DPYD: variants seen among roughly 807,000 people sequenced by gnomAD.
DPYD encodes the protein dihydropyrimidine dehydrogenase, also known as dihydropyrimidine dehydrogenase [NADP(+)].
DPYD carries 109 observed loss-of-function variants against 116.2 expected under a neutral mutation model. The ratio of observed to expected loss-of-function variants is 0.94; its 90% CI spans 0.80 to 1.10. The LOEUF (loss-of-function observed/expected upper bound fraction) is 1.10. DPYD is among the 50% of genes least tolerant of loss of function. The pLI is 0.00. For missense variants in DPYD, 1,302 were observed against 1,254.5 expected, an observed-to-expected ratio of 1.04 and a Z score of -0.57; for synonymous variants, 440 against 432.0, an observed-to-expected ratio of 1.02 and a Z score of -0.23.
chr1:97,482,860 A>G (rs1048494328), intron 13 of DPYD, among the ~76,000 whole-genome samples: 1 of 152,074 alleles, frequency 6.6e-6, no homozygotes, highest in African/African-American at 2.4e-5. Context: ...TTCTCCTCCA[A>G]CTTCCTAAAA....
chr1:97,665,377 T>A (rs1659501372), intron 8 of DPYD, among the ~76,000 whole-genome samples: 1 of 152,214 alleles, frequency 6.6e-6, no homozygotes, highest in Non-Finnish European at 1.5e-5. Context: ...ATAACAATAG[T>A]ATTTTTCATT....
At chr1:97,362,913 A>C (rs562695272) in intron 16 of DPYD, among the ~76,000 whole-genome samples, 2 of 152,330 alleles carry the variant, frequency 1.3e-5, no homozygotes, top group African/African-American at 4.8e-5. Context: ...CATGTCTAAA[A>C]CACCAAAAGC....
chr1:97,356,535 C>T (rs576736504), intron 16 of DPYD, among the ~76,000 whole-genome samples: 2 of 152,228 alleles, frequency 1.3e-5, no homozygotes, highest in Admixed American at 6.5e-5. Context: ...GCTGGTGACA[C>T]CCAGGCAAAC....
In DPYD at chr1:97,156,400, G is replaced by A. The variant is rs1655459708; in HGVS notation, c.2622+36669C>T. ...AGGGCTAATATCCAGAATCTACAAT[G>A]AACTCAAACAAATTTACAAGAAAAA... On this transcript the variant is annotated intron_variant, in intron 20 of 22. Coordinates refer to ENST00000370192, the MANE Select transcript of DPYD (RefSeq NM_000110.4). Among the ~76,000 whole-genome samples the A allele has an allele frequency of 2.6e-5, 4 of 151,844 alleles. No homozygotes were observed. In the South Asian group the frequency reaches 8.3e-4, roughly 32 times the overall value.
intron 3 of DPYD, among the ~76,000 whole-genome samples, chr1:97,777,986 C>T (rs762039051): frequency 6.6e-6 from 1 of 151,442 alleles, no homozygotes; most frequent in Non-Finnish European, 1.5e-5. Flanking sequence ...GGTGCAACCC[C>T]ATCTCTACTA....
At chr1:97,592,430 G>A (rs994789966) in intron 10 of DPYD, among the ~76,000 whole-genome samples, 1 of 152,074 alleles carries the variant, frequency 6.6e-6, no homozygotes, top group African/African-American at 2.4e-5. Flanking sequence ...GCAGTGGCAC[G>A]ATCTGGGCTC....
intron 14 of DPYD, among the ~76,000 whole-genome samples, chr1:97,434,257 G>T (rs1056964870): frequency 6.6e-6 from 1 of 152,064 alleles, no homozygotes; most frequent in Non-Finnish European, 1.5e-5. Flanking sequence ...ACTCCCCAAA[G>T]AAGATGTATT....
chr1:97,089,025 TCTTTC>T (rs1649715937), intron 21 of DPYD, among the ~76,000 whole-genome samples: 1 of 152,194 alleles, frequency 6.6e-6, no homozygotes, highest in Non-Finnish European at 1.5e-5. Flanking sequence ...AGTACTCTTC[TCTTTC>T]CTTTCACAAT....
chr1:97,282,464 G>A (rs1665388774), intron 18 of DPYD, among the ~76,000 whole-genome samples: 1 of 151,646 alleles, frequency 6.6e-6, no homozygotes, highest in Non-Finnish European at 1.5e-5. Flanking sequence ...ATTATTTTAT[G>A]ACTCTAATAG....
chr1:97,910,442 T>C (rs528608362), intron 1 of DPYD, among the ~76,000 whole-genome samples: 31 of 152,216 alleles, frequency 2.0e-4, no homozygotes, highest in Admixed American at 3.9e-4. Flanking sequence ...ATACCTAATA[T>C]TAATTGCATA....
intron 15 of DPYD, among the ~76,000 whole-genome samples, chr1:97,380,858 C>G (rs1287735407): frequency 3.3e-5 from 5 of 152,066 alleles, no homozygotes; most frequent in South Asian, 2.1e-4. Flanking sequence ...AAACCAAAAC[C>G]AAATACTGAT....
At chr1:97,919,532 AAATC>A (rs1674390378) in intron 1 of DPYD, among the ~76,000 whole-genome samples, 1 of 152,236 alleles carries the variant, frequency 6.6e-6, no homozygotes, top group African/African-American at 2.4e-5. Flanking sequence ...CCGATATCTT[AAATC>A]AATACTGCCT....
chr1:97,640,368 G>A (rs1453128705), intron 8 of DPYD, among the ~76,000 whole-genome samples: 1 of 151,544 alleles, frequency 6.6e-6, no homozygotes, highest in African/African-American at 2.4e-5. Context: ...GAGTGCAATG[G>A]CACCATCTCA....
chr1:97,360,161 A>G (rs1438243902), intron 16 of DPYD, among the ~76,000 whole-genome samples: 1 of 152,192 alleles, frequency 6.6e-6, no homozygotes, highest in East Asian at 1.9e-4. Flanking sequence ...CAATAATAGT[A>G]CCTGATAAAA....
chr1:97,460,276 C>A (rs1002593633), intron 13 of DPYD, among the ~76,000 whole-genome samples: 2 of 152,098 alleles, frequency 1.3e-5, no homozygotes, highest in African/African-American at 2.4e-5. Context: ...AATATTGATT[C>A]TAGTCATTCC....
At chr1:97,368,362 T>C (rs1879372) in intron 16 of DPYD, among the ~76,000 whole-genome samples, 11,124 of 152,176 alleles carry the variant, frequency 0.073, 497 homozygotes, top group African/African-American at 0.12. Context: ...TTAAGGTTCT[T>C]CTCAGTCACA....
At chr1:97,313,502 T>TGTGTGC (rs1570490836) in intron 16 of DPYD, among the ~76,000 whole-genome samples, 2 of 150,484 alleles carry the variant, frequency 1.3e-5, no homozygotes, top group East Asian at 3.9e-4. Flanking sequence ...TGTGCCTGTG[T>TGTGTGC]GTGTGTGTGT....
chr1:97,686,589 A>G (rs1275805409), intron 7 of DPYD, among the ~76,000 whole-genome samples: 3 of 135,300 alleles, frequency 2.2e-5, no homozygotes, highest in Admixed American at 1.6e-4. Flanking sequence ...GTGAGCCGAG[A>G]TCGCGCCACT....
At chr1:97,476,487 C>T (rs1677969024) in intron 13 of DPYD, among the ~76,000 whole-genome samples, 1 of 152,036 alleles carries the variant, frequency 6.6e-6, no homozygotes, top group Non-Finnish European at 1.5e-5. Flanking sequence ...CAATTTTATA[C>T]TTATCAAGTC....
Sources: allele counts gnomAD v4.1 joint callset (sites outside exome capture counted in the v4.1 genomes callset), GRCh38; gene constraint gnomAD v4.1.1; transcripts MANE v1.5; gene names NCBI Gene and HGNC (gene_info 2026-07-23, HGNC 2026-07-21).